AOPEP: variants seen among roughly 807,000 people sequenced by gnomAD.
The protein encoded by AOPEP is aminopeptidase O.
AOPEP carries 77 observed loss-of-function variants against 98.1 expected under a neutral mutation model. The observed-to-expected ratio is 0.78, with a 90% CI of 0.65 to 0.95. The LOEUF (loss-of-function observed/expected upper bound fraction) is 0.95. AOPEP is among the 40% of genes least tolerant of loss of function. The pLI is 0.00. For synonymous variants in AOPEP, 346 were observed against 365.3 expected, an observed-to-expected ratio of 0.95 and a Z score of 0.60; for missense variants, 1,024 against 1,024.7, an observed-to-expected ratio of 1.00 and a Z score of 0.01.
chr9:94,949,682 A>G (rs1039426401), intron 7 of AOPEP, among the ~76,000 whole-genome samples: 2 of 152,230 alleles, frequency 1.3e-5, no homozygotes, highest in Non-Finnish European at 2.9e-5. Flanking sequence ...TTTATTAGTT[A>G]AAGGTTTATT....
chr9:94,850,662 C>T (rs1056281969), intron 5 of AOPEP, among the ~76,000 whole-genome samples: 1 of 152,128 alleles, frequency 6.6e-6, no homozygotes, highest in Non-Finnish European at 1.5e-5. Flanking sequence ...ATGAGGCAAA[C>T]GCTATTGGTT....
intron 3 of AOPEP, among the ~76,000 whole-genome samples, chr9:94,791,822 A>G (rs1454965155): frequency 6.6e-6 from 1 of 152,092 alleles, no homozygotes; most frequent in Non-Finnish European, 1.5e-5. Flanking sequence ...TGAACCTAAA[A>G]TAAAAGTTAA....
At chr9:95,049,319 C>T (rs995278505) in intron 13 of AOPEP, among the ~76,000 whole-genome samples, 4 of 152,082 alleles carry the variant, frequency 2.6e-5, no homozygotes, top group African/African-American at 7.2e-5. Context: ...TGTAAAAATG[C>T]GGGATGCAAG....
At chr9:94,999,151 A>C (rs1387006221) in intron 11 of AOPEP, among the ~76,000 whole-genome samples, 1 of 152,154 alleles carries the variant, frequency 6.6e-6, no homozygotes, top group Non-Finnish European at 1.5e-5. Context: ...AAAAAACAAA[A>C]AACCCCAAAA....
At chr9:95,012,627 C>T (rs1011890647) in intron 13 of AOPEP, among the ~76,000 whole-genome samples, 1 of 152,042 alleles carries the variant, frequency 6.6e-6, no homozygotes, top group African/African-American at 2.4e-5. Flanking sequence ...CTCAGGCCTG[C>T]CATTGTTTCC....
Position 94,930,604 on chromosome 9 carries a change from A to G in AOPEP, c.1661+2073A>G, listed in dbSNP as rs72750308. 5.3e-3 allele frequency among the ~76,000 whole-genome samples: 801 copies of G among 152,140 alleles called. 12 individuals carry two copies. The highest frequency in any genetic ancestry group is 0.043 in the East Asian group (219 of 5,138). Reference sequence around the variant, plus strand: ...AACAGAGGACTCTGGGGAAACCATTATGTGTTTCCCCAGAGAAAACCAGGG... The same window carrying G: ...AACAGAGGACTCTGGGGAAACCATTGTGTGTTTCCCCAGAGAAAACCAGGG... On this transcript the variant is annotated intron_variant, in intron 7 of 16. Coordinates refer to ENST00000375315, the MANE Select transcript of AOPEP (RefSeq NM_001193329.3). The surrounding 1 kb of genome is among the most constrained non-coding windows in gnomAD (Gnocchi z 4.5).
At chr9:94,915,900 T>A (rs527277413) in intron 5 of AOPEP, among the ~76,000 whole-genome samples, 1 of 152,288 alleles carries the variant, frequency 6.6e-6, no homozygotes, top group Non-Finnish European at 1.5e-5. Flanking sequence ...ACAAGGAACA[T>A]GGGAAGATTT....
At chr9:95,107,149 G>T in the AOPEP span, 1 of 1,614,236 alleles carries the variant, frequency 6.2e-7, no homozygotes, top group Admixed American at 1.7e-5. Context: ...ATCAGCTGTT[G>T]TGCAGGAGCT....
rs1442060024 is a variant in AOPEP at position 94,874,188 on chromosome 9, A to G, written c.1365-49798A>G. Among the ~76,000 whole-genome samples, 2 of 152,200 alleles carry G rather than the reference A, an allele frequency of 1.3e-5. 1 individual carries two copies. Among genetic ancestry groups the G allele is most frequent in the African/African-American group, 4.8e-5 (2 of 41,446 alleles). On this transcript the variant is annotated intron_variant, in intron 5 of 16. Coordinates refer to ENST00000375315, the MANE Select transcript of AOPEP (RefSeq NM_001193329.3). Reference sequence around the variant, plus strand: ...TCAAAAAGCATTATACAGTTCTCCAATGTTATATACCAGGCAGCACTGTGA... The same window carrying G: ...TCAAAAAGCATTATACAGTTCTCCAGTGTTATATACCAGGCAGCACTGTGA...
downstream of AOPEP, among the ~76,000 whole-genome samples, chr9:95,091,685 G>T (rs1447985962): frequency 6.6e-6 from 1 of 152,148 alleles, no homozygotes; most frequent in Non-Finnish European, 1.5e-5. Context: ...CTATTCAGTG[G>T]CAGGGTTTTA....
chr9:95,150,044 G>T, the AOPEP span: 18 of 1,613,956 alleles, frequency 1.1e-5, no homozygotes, highest in Non-Finnish European at 1.5e-5. Context: ...GTAATAAGTG[G>T]GACACAAACT....
intron 5 of AOPEP, among the ~76,000 whole-genome samples, chr9:94,857,424 C>A (rs1300648978): frequency 6.6e-6 from 1 of 152,168 alleles, no homozygotes; most frequent in Non-Finnish European, 1.5e-5. Flanking sequence ...CTTAATATTC[C>A]TTTCCCATCT....
At chr9:95,142,584 GC>G in the AOPEP span, 1 of 152,144 alleles carries the variant, frequency 6.6e-6, no homozygotes, top group African/African-American at 2.4e-5. Flanking sequence ...GAGGCACTGT[GC>G]TAAGAATATT....
At chr9:95,024,530 G>A (rs777556482) in intron 13 of AOPEP, among the ~76,000 whole-genome samples, 6 of 152,190 alleles carry the variant, frequency 3.9e-5, no homozygotes, top group Non-Finnish European at 8.8e-5. Flanking sequence ...TCTAGATATG[G>A]TATCTGACCC....
intron 13 of AOPEP, among the ~76,000 whole-genome samples, chr9:95,037,559 A>T (rs2064937618): frequency 6.6e-6 from 1 of 151,910 alleles, no homozygotes; most frequent in Non-Finnish European, 1.5e-5. Flanking sequence ...TTTCTTTTCC[A>T]CTCCTAATTT....
chr9:94,799,575 A>C (rs1847771618), intron 4 of AOPEP, among the ~76,000 whole-genome samples: 1 of 152,086 alleles, frequency 6.6e-6, no homozygotes, highest in African/African-American at 2.4e-5. Flanking sequence ...GTCTTAAATA[A>C]TAATAGGCCG....
At chr9:94,737,096 G>T (rs1587962204) in intron 1 of AOPEP, among the ~76,000 whole-genome samples, 1 of 149,522 alleles carries the variant, frequency 6.7e-6, no homozygotes, top group African/African-American at 2.4e-5. Flanking sequence ...TTATAAGTAG[G>T]CCAAAAACAT....
At chr9:94,761,603 A>G (rs549830778) in intron 2 of AOPEP, among the ~76,000 whole-genome samples, 45 of 152,254 alleles carry the variant, frequency 3.0e-4, no homozygotes, top group Admixed American at 6.5e-5. Flanking sequence ...CCTTGCAGCT[A>G]TAGTTTTTTA....
At chr9:94,830,062 G>A (rs1231986336) in intron 5 of AOPEP, among the ~76,000 whole-genome samples, 1 of 151,978 alleles carries the variant, frequency 6.6e-6, no homozygotes, top group African/African-American at 2.4e-5. Context: ...AAGTTCTAGG[G>A]TACATGTGCA....
Sources: allele counts gnomAD v4.1 joint callset (sites outside exome capture counted in the v4.1 genomes callset), GRCh38; gene constraint gnomAD v4.1.1; non-coding constraint Gnocchi (gnomAD v3.1); transcripts MANE v1.5; gene names NCBI Gene and HGNC (gene_info 2026-07-23, HGNC 2026-07-21).